Variants in OXR1 observed in about 807,000 individuals in gnomAD.
The protein encoded by OXR1 is oxidation resistance protein 1.
Under a neutral mutation model 104.6 loss-of-function variants are expected in OXR1, and 41 were observed. The ratio of observed to expected loss-of-function variants is 0.39; its 90% CI spans 0.31 to 0.51. The LOEUF is 0.51. Among genes scored for constraint, OXR1 ranks in the 20% least tolerant of loss-of-function variants. The pLI, the probability that OXR1 is intolerant of heterozygous loss-of-function variation, is 0.77. For synonymous variants in OXR1, 348 were observed against 348.4 expected, an observed-to-expected ratio of 1.00 and a Z score of 0.01; for missense variants, 955 against 1,031.9, an observed-to-expected ratio of 0.93 and a Z score of 1.02.
chr8:106,749,143 C>A (rs1835661460), intron 16 of OXR1, among the ~76,000 whole-genome samples: 1 of 151,728 alleles, frequency 6.6e-6, no homozygotes, highest in Non-Finnish European at 1.5e-5. Flanking sequence ...GAGATCGATA[C>A]CATCCTGGCT....
intron 1 of OXR1, among the ~76,000 whole-genome samples, chr8:106,281,628 C>T (rs759138292): frequency 4.0e-5 from 6 of 151,728 alleles, no homozygotes; most frequent in Non-Finnish European, 7.4e-5. Context: ...GGTGAAACCC[C>T]GTGTTTACTA....
At chr8:106,668,761 G>A (rs1398694514) in intron 3 of OXR1, among the ~76,000 whole-genome samples, 1 of 152,174 alleles carries the variant, frequency 6.6e-6, no homozygotes, top group Admixed American at 6.5e-5. Flanking sequence ...TGACAGATTT[G>A]AAAACTGCTG....
rs755474758 is a variant in OXR1, at chr8:106,723,082, G to A, written c.1956+9097G>A. 5.9e-5 allele frequency among the ~76,000 whole-genome samples: 9 copies of A among 152,200 alleles called. No individual in the cohort carries two copies. In the South Asian group the frequency reaches 8.3e-4, roughly 14 times the overall value. The stretch of plus-strand genomic sequence containing the variant: ...TTAAAAATCTTTATCTAGGCCAGGC[G>A]TGGTGGCTCACACCTGTAATCCCAG... On this transcript the variant is annotated intron_variant, in intron 11 of 16. Transcript: ENST00000517566.
intron 1 of OXR1, among the ~76,000 whole-genome samples, chr8:106,270,991 T>C (rs1401992856): frequency 6.6e-6 from 1 of 151,954 alleles, no homozygotes; most frequent in East Asian, 1.9e-4. Context: ...TGTCTCCCGC[T>C]AGAGTACCCG....
At chr8:106,577,152 T>C (rs1817896927) in intron 3 of OXR1, among the ~76,000 whole-genome samples, 1 of 152,066 alleles carries the variant, frequency 6.6e-6, no homozygotes, top group African/African-American at 2.4e-5. Flanking sequence ...GATATATATG[T>C]CAGTTTTTAC....
chr8:106,394,425 A>C (rs1014813596), intron 2 of OXR1, among the ~76,000 whole-genome samples: 3 of 151,928 alleles, frequency 2.0e-5, no homozygotes, highest in Non-Finnish European at 4.4e-5. Flanking sequence ...CCACACCAAC[A>C]CCTGTGCTAT....
intron 3 of OXR1, among the ~76,000 whole-genome samples, chr8:106,675,632 T>A (rs1827508228): frequency 6.6e-6 from 1 of 152,204 alleles, no homozygotes; most frequent in Admixed American, 6.5e-5. Context: ...TAGTCTAATT[T>A]TTCTAATTTG....
At position 106,337,055 on chromosome 8, in the gene OXR1, G is replaced by A. The variant is rs562859039; in HGVS notation, c.-138-22421G>A. Among the ~76,000 whole-genome samples the A allele has an allele frequency of 1.5e-4, 23 of 152,254 alleles. No individual in the cohort carries two copies. The East Asian group carries it at 2.1e-3, about 14-fold the overall frequency. On this transcript the variant is annotated intron_variant, in intron 1 of 16. Transcript: ENST00000517566. Reference sequence around the variant, plus strand: ...TCAGTTTTCTAATTGGGAAATATCCGTGAATTATAAAGCATGACTTAAAAT... The same window carrying A: ...TCAGTTTTCTAATTGGGAAATATCCATGAATTATAAAGCATGACTTAAAAT...
intron 1 of OXR1, among the ~76,000 whole-genome samples, chr8:106,308,635 G>A (rs1357865490): frequency 6.6e-6 from 1 of 152,176 alleles, no homozygotes; most frequent in Non-Finnish European, 1.5e-5. Context: ...GAAAGAAACT[G>A]CAGGTGAATA....
chr8:106,676,687 G>A (rs1322977196), intron 3 of OXR1, among the ~76,000 whole-genome samples: 1 of 151,912 alleles, frequency 6.6e-6, no homozygotes, highest in Non-Finnish European at 1.5e-5. Context: ...TCCCTTTGTA[G>A]GTGACCTGGC....
chr8:106,375,669 A>T (rs1816879563), intron 2 of OXR1, among the ~76,000 whole-genome samples: 1 of 152,228 alleles, frequency 6.6e-6, no homozygotes. Flanking sequence ...GTGCTTTGCA[A>T]TCACAAATGG....
rs1180935793 is a variant in OXR1, at chr8:106,614,863, C to T, written c.221-64347C>T. 9.9e-5 allele frequency among the ~76,000 whole-genome samples: 15 copies of T among 152,116 alleles called. 1 individual carries two copies. The highest frequency in any genetic ancestry group is 9.8e-4 in the Admixed American group (15 of 15,274). On this transcript the variant is annotated intron_variant, in intron 3 of 16. Coordinates refer to ENST00000517566, the MANE Select transcript of OXR1 (RefSeq NM_001198533.2). Reference sequence around the variant, plus strand: ...TAACTCTCTCATTCATATTCAGACACAATGCAAATGTAGATAGTATTACTA... The same window carrying T: ...TAACTCTCTCATTCATATTCAGACATAATGCAAATGTAGATAGTATTACTA...
intron 3 of OXR1, among the ~76,000 whole-genome samples, chr8:106,608,222 C>G (rs537370351): frequency 6.2e-4 from 95 of 152,124 alleles, no homozygotes; most frequent in Non-Finnish European, 1.0e-3. Flanking sequence ...CCCAGGAGGT[C>G]AAGGCTGCAG....
At chr8:106,333,603 G>A (rs7814510) in intron 1 of OXR1, among the ~76,000 whole-genome samples, 47,933 of 151,942 alleles carry the variant, frequency 0.32, 10,082 homozygotes, top group African/African-American at 0.6. Context: ...TAAGATTGTC[G>A]TAGTTTTAAT....
chr8:106,309,742 G>T (rs930379385), intron 1 of OXR1, among the ~76,000 whole-genome samples: 5 of 150,492 alleles, frequency 3.3e-5, no homozygotes, highest in African/African-American at 1.2e-4. Context: ...TAGCTTTGCT[G>T]CTTTAAATCT....
chr8:106,638,185 T>A (rs1288835556), intron 3 of OXR1, among the ~76,000 whole-genome samples: 1 of 152,204 alleles, frequency 6.6e-6, no homozygotes, highest in African/African-American at 2.4e-5. Flanking sequence ...TAGCTTCAGC[T>A]TCTTTCTAAC....
chr8:106,517,469 C>A (rs1455332730), intron 2 of OXR1, among the ~76,000 whole-genome samples: 1 of 152,022 alleles, frequency 6.6e-6, no homozygotes, highest in African/African-American at 2.4e-5. Context: ...GATTAACATC[C>A]TTGAATGCAT....
intron 3 of OXR1, among the ~76,000 whole-genome samples, chr8:106,568,408 GAA>G (rs1235810549): frequency 1.3e-5 from 2 of 152,054 alleles, no homozygotes; most frequent in African/African-American, 4.8e-5. Flanking sequence ...CCTTTTCTAT[GAA>G]ACCTTCCATC....
intron 1 of OXR1, chr8:106,272,070 C>T (rs183583645): frequency 1.3e-5 from 2 of 152,190 alleles, no homozygotes; most frequent in African/African-American, 4.8e-5. Context: ...GTGGGGGCCT[C>T]CCTGGAGTTC....
Sources: allele counts gnomAD v4.1 joint callset (sites outside exome capture counted in the v4.1 genomes callset), GRCh38; gene constraint gnomAD v4.1.1; transcripts MANE v1.5; gene names NCBI Gene and HGNC (gene_info 2026-07-23, HGNC 2026-07-21).